Variants in SSBP2 observed in about 807,000 individuals in gnomAD.
SSBP2 encodes the protein single stranded DNA binding protein 2.
In SSBP2, 17 loss-of-function variants were observed where a neutral mutation model predicts 61.8. The ratio of observed to expected loss-of-function variants is 0.28; its 90% CI spans 0.19 to 0.41. SSBP2 has a LOEUF of 0.41. Among genes scored for constraint, SSBP2 ranks in the 10% least tolerant of loss-of-function variants. SSBP2 has a pLI of 1.00. For missense variants in SSBP2, 310 were observed against 458.7 expected, an observed-to-expected ratio of 0.68 and a Z score of 2.96; for synonymous variants, 139 against 141.3, an observed-to-expected ratio of 0.98 and a Z score of 0.12.
At chr5:81,582,088 G>C (rs1774695388) in intron 4 of SSBP2, among the ~76,000 whole-genome samples, 1 of 152,078 alleles carries the variant, frequency 6.6e-6, no homozygotes, top group Non-Finnish European at 1.5e-5. Context: ...AGCTCAGTTT[G>C]TCTAAGTATT....
chr5:81,569,566 A>G (rs1773689788), intron 4 of SSBP2, among the ~76,000 whole-genome samples: 1 of 152,204 alleles, frequency 6.6e-6, no homozygotes, highest in Non-Finnish European at 1.5e-5. Flanking sequence ...ATGCTCTCCT[A>G]TGCTGAGCTT....
At chr5:81,547,258 G>A (rs1375513523) in intron 4 of SSBP2, among the ~76,000 whole-genome samples, 5 of 152,120 alleles carry the variant, frequency 3.3e-5, no homozygotes, top group African/African-American at 1.2e-4. Context: ...TGCTCTCCTT[G>A]ATACTTACCC....
chr5:81,751,314 C>A, upstream of SSBP2: 1 of 555,692 alleles, frequency 1.8e-6, no homozygotes, highest in Non-Finnish European at 3.2e-6. Context: ...CGCCTTCCCT[C>A]TCCGCTCTCC....
chr5:81,445,751 C>T (rs1763361258), intron 12 of SSBP2, among the ~76,000 whole-genome samples: 1 of 152,102 alleles, frequency 6.6e-6, no homozygotes, highest in South Asian at 2.1e-4. Context: ...CAGTTAAAAA[C>T]ATATGAGTTT....
intron 4 of SSBP2, among the ~76,000 whole-genome samples, chr5:81,523,457 G>T (rs1255127466): frequency 2.0e-5 from 3 of 151,894 alleles, no homozygotes; most frequent in African/African-American, 4.8e-5. Context: ...ACATTTGTAC[G>T]TGCATCCCAA....
chr5:81,528,087 T>C (rs1267375448), intron 4 of SSBP2, among the ~76,000 whole-genome samples: 1 of 152,010 alleles, frequency 6.6e-6, no homozygotes, highest in East Asian at 1.9e-4. Flanking sequence ...TACCGTATTA[T>C]ATTGAGATTT....
chr5:81,497,578 T>C (rs879576901), intron 5 of SSBP2, among the ~76,000 whole-genome samples: 4 of 152,176 alleles, frequency 2.6e-5, no homozygotes, highest in Non-Finnish European at 4.4e-5. Context: ...GGTTGTCTAA[T>C]GAGAAAATGC....
intron 4 of SSBP2, among the ~76,000 whole-genome samples, chr5:81,548,350 G>A (rs1479461437): frequency 6.6e-6 from 1 of 152,174 alleles, no homozygotes; most frequent in Non-Finnish European, 1.5e-5. Flanking sequence ...AAGAGGTTGT[G>A]TGTTAGAGGC....
intron 1 of SSBP2, among the ~76,000 whole-genome samples, chr5:81,665,834 C>A (rs1187118898): frequency 1.2e-4 from 18 of 152,262 alleles, no homozygotes; most frequent in African/African-American, 4.3e-4. Flanking sequence ...AGAAAAGAAC[C>A]TCTCTTATTC....
At chr5:81,591,743 AG>A (rs1775520075) in intron 4 of SSBP2, among the ~76,000 whole-genome samples, 1 of 152,242 alleles carries the variant, frequency 6.6e-6, no homozygotes. Flanking sequence ...TGAAACACAG[AG>A]GAAAAAAAGT....
At chr5:81,575,961 A>C (rs1357623947) in intron 4 of SSBP2, among the ~76,000 whole-genome samples, 1 of 152,202 alleles carries the variant, frequency 6.6e-6, no homozygotes, top group African/African-American at 2.4e-5. Flanking sequence ...CATTATTGTC[A>C]ATTCAATGCA....
chr5:81,488,047 AT>A (rs1766548139), intron 6 of SSBP2, among the ~76,000 whole-genome samples: 1 of 46,150 alleles, frequency 2.2e-5, no homozygotes, highest in Non-Finnish European at 3.8e-5. Context: ...ATATATATAT[AT>A]ATATATATAT....
intron 5 of SSBP2, among the ~76,000 whole-genome samples, chr5:81,511,375 G>A (rs535792240): frequency 3.2e-4 from 49 of 152,018 alleles, no homozygotes; most frequent in Non-Finnish European, 6.9e-4. Context: ...TGAATCCACC[G>A]TTTAGTATGA....
At chr5:81,598,979 C>T (rs970354260) in intron 4 of SSBP2, among the ~76,000 whole-genome samples, 12 of 152,146 alleles carry the variant, frequency 7.9e-5, no homozygotes, top group African/African-American at 2.9e-4. Context: ...TCTGACTCTG[C>T]CTTTATTCTT....
intron 1 of SSBP2, among the ~76,000 whole-genome samples, chr5:81,668,999 T>C (rs957307260): frequency 5.3e-5 from 8 of 152,166 alleles, no homozygotes; most frequent in African/African-American, 1.9e-4. Context: ...ATAAAAAGTT[T>C]CATATAAAGG....
At chr5:81,600,171 T>C (rs2153555022) in intron 4 of SSBP2, among the ~76,000 whole-genome samples, 1 of 152,216 alleles carries the variant, frequency 6.6e-6, no homozygotes, top group East Asian at 1.9e-4. Context: ...AGATAAATAA[T>C]ATGTAATAAT....
At chr5:81,736,843 A>G (rs1213509790) in intron 1 of SSBP2, among the ~76,000 whole-genome samples, 2 of 152,244 alleles carry the variant, frequency 1.3e-5, no homozygotes, top group Non-Finnish European at 2.9e-5. Flanking sequence ...AGGGAGAGTT[A>G]AAAAATAATT....
At chr5:81,485,437 C>T (rs1057182807) in intron 6 of SSBP2, among the ~76,000 whole-genome samples, 7 of 152,012 alleles carry the variant, frequency 4.6e-5, no homozygotes, top group Non-Finnish European at 1.0e-4. Context: ...AAAATGGTTT[C>T]AGGGGAACTC....
At chr5:81,499,397 T>A (rs1181676807) in intron 5 of SSBP2, among the ~76,000 whole-genome samples, 1 of 152,222 alleles carries the variant, frequency 6.6e-6, no homozygotes, top group Non-Finnish European at 1.5e-5. Context: ...GATGAGACTT[T>A]TCCTCAAGTC....
Sources: allele counts gnomAD v4.1 joint callset (sites outside exome capture counted in the v4.1 genomes callset), GRCh38; gene constraint gnomAD v4.1.1; transcripts MANE v1.5; gene names NCBI Gene and HGNC (gene_info 2026-07-23, HGNC 2026-07-21).